VPS13C: variants seen among roughly 807,000 people sequenced by gnomAD.
The protein encoded by VPS13C is vacuolar protein sorting 13 homolog C.
A neutral mutation model predicts 456.8 loss-of-function variants in VPS13C; 358 were observed. That is an observed-to-expected ratio of 0.78 (90% confidence interval 0.72 to 0.86). VPS13C has a LOEUF of 0.86. Among genes scored for constraint, VPS13C ranks in the 40% least tolerant of loss-of-function variants. The pLI, the probability that VPS13C is intolerant of heterozygous loss-of-function variation, is 0.00. For missense variants in VPS13C, 4,818 were observed against 4,385.4 expected, an observed-to-expected ratio of 1.10 and a Z score of -2.79; for synonymous variants, 1,578 against 1,486.7, an observed-to-expected ratio of 1.06 and a Z score of -1.41.
chr15:62,004,072 T>C (rs1333244216), intron 15 of VPS13C, among the ~76,000 whole-genome samples: 1 of 151,976 alleles, frequency 6.6e-6, no homozygotes, highest in African/African-American at 2.4e-5. Context: ...TTTCTATTGA[T>C]TGGAATAGTT....
chr15:61,946,452 C>T, intron 43 of VPS13C, 42 bp from the exon 44 acceptor site: 1 of 1,431,704 alleles, frequency 7.0e-7, no homozygotes, highest in Admixed American at 2.1e-5. Flanking sequence ...ACCCAATCCA[C>T]ATGACTAAGC....
chr15:61,960,076 G>A (rs1428523854), intron 35 of VPS13C, among the ~76,000 whole-genome samples: 4 of 152,002 alleles, frequency 2.6e-5, no homozygotes, highest in Non-Finnish European at 2.9e-5. Context: ...TCATGGATGG[G>A]GTAGAAAATA....
chr15:61,964,716 T>C lies in VPS13C; in HGVS notation c.3197A>G (p.Asn1066Ser), dbSNP rs745417300. The stretch of plus-strand genomic sequence containing the variant: ...TTTCATACCTTTTGGCAGAGTTGAA[T>C]TTTTTTGTTGTTTTTCAGTTGAAAT... ...VQISTEKQQK[N>S]STLPKAIVSS... The change falls in exon 31 of 85, where the codon AAT (asparagine) becomes AGT (serine). Residue 1066 changes from asparagine (N) to serine (S), a missense_variant. Asn to Ser is a conservative substitution (Grantham distance 46, BLOSUM62 1). Around this residue, in one of 3 missense-constraint regions of VPS13C, gnomAD observed 4,552 missense variants for 4,130.6 expected, o/e 1.10. Transcript: ENST00000644861. 1 of 1,602,222 alleles carries C rather than the reference T, an allele frequency of 6.2e-7. No homozygotes were observed. Among genetic ancestry groups the C allele is most frequent in the Admixed American group, 1.7e-5 (1 of 57,226 alleles).
chr15:62,017,165 T>C (rs548655866), intron 9 of VPS13C, among the ~76,000 whole-genome samples: 1 of 152,284 alleles, frequency 6.6e-6, no homozygotes, highest in Admixed American at 6.5e-5. Flanking sequence ...GTTTGAGTTC[T>C]TTGTAGATTC....
At chr15:62,005,197 G>A (rs1457595058) in intron 15 of VPS13C, among the ~76,000 whole-genome samples, 1 of 152,142 alleles carries the variant, frequency 6.6e-6, no homozygotes, top group Admixed American at 6.6e-5. Flanking sequence ...TTATGAATCT[G>A]GGTGCTCCTG....
intron 3 of VPS13C, among the ~76,000 whole-genome samples, chr15:62,038,011 A>G (rs1173143273): frequency 2.0e-5 from 3 of 152,212 alleles, no homozygotes; most frequent in Admixed American, 1.3e-4. Context: ...AAGCCTTCCT[A>G]TAATACAGAA....
chr15:61,865,433 C>T (rs1894473373), intron 81 of VPS13C: 1 of 984,224 alleles, frequency 1.0e-6, no homozygotes. Context: ...AAAAATATAA[C>T]TAAAACTAAA....
chr15:61,917,582 G>C lies in VPS13C; in HGVS notation c.7814C>G (p.Ser2605Cys). ...AGILEHQYKE[S>C]TTYISWKEEL... ...TTCCTTCCAGGAAATATAAGTGGTA[G>C]ATTCTTTGTACTGATGCTCTAAGAT... The change falls in exon 60 of 85, where the codon TCT becomes TGT. Residue 2605 changes from serine to cysteine, a missense_variant. Coordinates refer to ENST00000644861, the MANE Select transcript of VPS13C (RefSeq NM_020821.3). 3 of 1,613,920 alleles carry C rather than the reference G, an allele frequency of 1.9e-6. No individual in the cohort carries two copies. The highest frequency in any genetic ancestry group is 1.7e-6 in the Non-Finnish European group (2 of 1,179,856).
intron 17 of VPS13C, 65 bp downstream of exon 17, chr15:61,991,608 A>ATATAATTTACAC (rs2046224580): frequency 1.5e-5 from 22 of 1,502,468 alleles, no homozygotes. Context: ...AACAGGGAAG[A>ATATAATTTACAC]TATAATTTAC....
Position 61,930,185 on chromosome 15 carries a change from C to T in VPS13C, c.6039-437G>A, listed in dbSNP as rs76132518. 2.9e-3 allele frequency among the ~76,000 whole-genome samples: 442 copies of T among 152,272 alleles called. 3 individuals are homozygous for T. The highest frequency in any genetic ancestry group is 0.01 in the African/African-American group (422 of 41,554). On this transcript the variant is annotated intron_variant, in intron 50 of 84. Coordinates refer to ENST00000644861, the MANE Select transcript of VPS13C (RefSeq NM_020821.3). The stretch of plus-strand genomic sequence containing the variant: ...GAATTTATCTTCAAAGATCATCCTA[C>T]GAAAATTTGAGTCTGAAAGTATTCA...
chr15:61,972,162 C>T (rs1022083297), intron 27 of VPS13C, among the ~76,000 whole-genome samples: 1 of 151,962 alleles, frequency 6.6e-6, no homozygotes, highest in Non-Finnish European at 1.5e-5. Context: ...AATGACATAC[C>T]GTGAACATCT....
chr15:61,869,116 C>CTTTTTTT (rs68084709), intron 80 of VPS13C, among the ~76,000 whole-genome samples: 165 of 131,246 alleles, frequency 1.3e-3, no homozygotes, highest in Middle Eastern at 4.0e-3. Flanking sequence ...TTTCTTTTTT[C>CTTTTTTT]TTTTTTTTTT....
intron 67 of VPS13C, among the ~76,000 whole-genome samples, chr15:61,886,624 G>A (rs1333417172): frequency 1.3e-5 from 2 of 152,074 alleles, no homozygotes; most frequent in Admixed American, 1.3e-4. Flanking sequence ...CATTATTTAT[G>A]GGAAACAAAC....
intron 35 of VPS13C, 40 bp from the exon 36 acceptor site, chr15:61,959,635 G>C: frequency 6.4e-7 from 1 of 1,569,518 alleles, no homozygotes; most frequent in Non-Finnish European, 8.7e-7. Context: ...ATAGATATAG[G>C]GTAGAAATGC....
At position 61,884,218 on chromosome 15, in the gene VPS13C, A is replaced by G. The variant is rs1247889300; in HGVS notation, c.9393T>C (p.Ser3131=). 2 of 1,610,950 alleles carry G rather than the reference A, an allele frequency of 1.2e-6. No homozygotes were observed. The highest frequency in any genetic ancestry group is 1.3e-5 in the African/African-American group (1 of 74,764). Residue 3131 remains serine, a synonymous_variant, in exon 68 of 85, where the codon AGT becomes AGC. Transcript: ENST00000644861. ...VKPKQKWKPF[S]QKQIILLEQS... is the part of the protein sequence containing the mutation. ...GTTCCAATAAGATTATCTGCTTTTG[A>G]CTAAATGGCTTCCATTTCTGCTTTG...
intron 50 of VPS13C, among the ~76,000 whole-genome samples, chr15:61,930,292 G>T (rs181978883): frequency 5.5e-4 from 84 of 152,220 alleles, no homozygotes; most frequent in Non-Finnish European, 1.6e-4. Flanking sequence ...GAAAAAGCAG[G>T]CTACCTAACA....
intron 47 of VPS13C, 134 bp from the exon 48 acceptor site, chr15:61,936,884 A>G: frequency 1.1e-6 from 1 of 946,818 alleles, no homozygotes; most frequent in African/African-American, 1.7e-5. Context: ...TTAGGACTAT[A>G]AATACCAGAA....
chr15:61,931,330 C>T (rs2044048458), intron 49 of VPS13C, 71 bp from the exon 50 acceptor site: 2 of 1,419,518 alleles, frequency 1.4e-6, no homozygotes, highest in East Asian at 2.5e-5. Context: ...AAACATATTA[C>T]TTAATTCAAA....
chr15:61,863,862 A>G (rs1056564824), intron 81 of VPS13C: 1 of 179,904 alleles, frequency 5.6e-6, no homozygotes, highest in Non-Finnish European at 1.2e-5. Flanking sequence ...AATATAAAAT[A>G]ACTACATTAA....
Sources: gnomAD v4.1 joint callset for allele counts (sites outside exome capture counted in the v4.1 genomes callset) on GRCh38, gnomAD v4.1.1 for gene constraint, gnomAD v4.1.1 regional missense constraint, MANE v1.5 for transcripts, NCBI Gene and HGNC (gene_info 2026-07-23, HGNC 2026-07-21) for gene names.